Variants in ATF7IP2 observed in about 807,000 individuals in gnomAD.
ATF7IP2 encodes the protein activating transcription factor 7 interacting protein 2, also known as activating transcription factor 7-interacting protein 2.
Under a neutral mutation model 64.2 loss-of-function variants are expected in ATF7IP2, and 42 were observed. The observed-to-expected ratio is 0.65, with a 90% CI of 0.51 to 0.85. The LOEUF (loss-of-function observed/expected upper bound fraction) is 0.85. ATF7IP2 is among the 40% of genes least tolerant of loss of function. ATF7IP2 has a pLI of 0.00. For missense variants in ATF7IP2, 933 were observed against 784.2 expected, an observed-to-expected ratio of 1.19 and a Z score of -2.27; for synonymous variants, 308 against 272.8, an observed-to-expected ratio of 1.13 and a Z score of -1.27.
At chr16:10,389,859 A>G (rs1315114466) in intron 1 of ATF7IP2, among the ~76,000 whole-genome samples, 1 of 152,358 alleles carries the variant, frequency 6.6e-6, no homozygotes, top group African/African-American at 2.4e-5. Context: ...CTTCATGGTC[A>G]TTATGAGATT....
At chr16:10,398,149 C>G (rs2047455065) in intron 1 of ATF7IP2, among the ~76,000 whole-genome samples, 1 of 151,600 alleles carries the variant, frequency 6.6e-6, no homozygotes. Context: ...ACTAAAAATA[C>G]AAAAATTAGC....
At chr16:10,398,540 T>A (rs1458273102) in intron 1 of ATF7IP2, among the ~76,000 whole-genome samples, 2 of 152,172 alleles carry the variant, frequency 1.3e-5, no homozygotes, top group East Asian at 3.8e-4. Context: ...TTATTCACAG[T>A]AGATAACAGA....
intron 8 of ATF7IP2, chr16:10,448,699 C>T (rs2048890060): frequency 6.6e-6 from 1 of 152,068 alleles, no homozygotes; most frequent in Non-Finnish European, 1.5e-5. Context: ...TAGAAAATCT[C>T]AATCTATTTT....
At chr16:10,399,420 C>G (rs531997831) in intron 1 of ATF7IP2, among the ~76,000 whole-genome samples, 5 of 152,128 alleles carry the variant, frequency 3.3e-5, no homozygotes, top group African/African-American at 1.2e-4. Flanking sequence ...TCCAGTTTTC[C>G]CAGCACCATT....
At chr16:10,456,282 C>A (rs1190280538) in intron 8 of ATF7IP2, among the ~76,000 whole-genome samples, 1 of 152,140 alleles carries the variant, frequency 6.6e-6, no homozygotes, top group Non-Finnish European at 1.5e-5. Context: ...CTCAGCCTGA[C>A]CAGATTGCAG....
At chr16:10,437,057 A>G (rs919344011) in intron 6 of ATF7IP2, among the ~76,000 whole-genome samples, 44 of 151,246 alleles carry the variant, frequency 2.9e-4, no homozygotes, top group African/African-American at 9.0e-4. Context: ...GTCTCGCTCA[A>G]TCACCCAGGC....
intron 1 of ATF7IP2, among the ~76,000 whole-genome samples, chr16:10,405,988 C>G (rs1215019746): frequency 6.6e-6 from 1 of 152,022 alleles, no homozygotes; most frequent in Non-Finnish European, 1.5e-5. Flanking sequence ...ACTCAGGAGG[C>G]TGAAGCAGGA....
intron 1 of ATF7IP2, among the ~76,000 whole-genome samples, chr16:10,402,337 A>G (rs962717219): frequency 6.6e-6 from 1 of 152,102 alleles, no homozygotes; most frequent in African/African-American, 2.4e-5. Context: ...ACAATGACTC[A>G]GTGATAGTTC....
intron 9 of ATF7IP2, among the ~76,000 whole-genome samples, chr16:10,461,193 T>TTA (rs1470207276): frequency 6.6e-6 from 1 of 152,072 alleles, no homozygotes; most frequent in Non-Finnish European, 1.5e-5. Flanking sequence ...ATCTGACTAC[T>TTA]GGGTATTGGT....
chr16:10,426,505 G>A (rs1596479706), intron 3 of ATF7IP2, among the ~76,000 whole-genome samples: 1 of 152,310 alleles, frequency 6.6e-6, no homozygotes, highest in African/African-American at 2.4e-5. Context: ...AGTGTGTAAT[G>A]TTAATGACCA....
At chr16:10,444,168 G>A (rs879312232) in intron 8 of ATF7IP2, among the ~76,000 whole-genome samples, 2 of 152,156 alleles carry the variant, frequency 1.3e-5, no homozygotes, top group Non-Finnish European at 2.9e-5. Flanking sequence ...CGATGATCAG[G>A]TTACATTGAT....
chr16:10,404,610 C>T (rs2047598389), intron 1 of ATF7IP2, among the ~76,000 whole-genome samples: 1 of 152,136 alleles, frequency 6.6e-6, no homozygotes, highest in Admixed American at 6.5e-5. Flanking sequence ...GTGGCACGAT[C>T]ATGGCTTACT....
At chr16:10,474,397 T>C (rs774888217) in intron 12 of ATF7IP2, among the ~76,000 whole-genome samples, 3 of 152,224 alleles carry the variant, frequency 2.0e-5, no homozygotes, top group Non-Finnish European at 4.4e-5. Context: ...ATAATTTCTT[T>C]ATTCATAAAC....
At chr16:10,451,479 C>A (rs963175804) in intron 8 of ATF7IP2, among the ~76,000 whole-genome samples, 12 of 152,152 alleles carry the variant, frequency 7.9e-5, no homozygotes, top group African/African-American at 2.9e-4. Flanking sequence ...GGTCTTTTCA[C>A]ATAGTCCCAT....
intron 1 of ATF7IP2, among the ~76,000 whole-genome samples, chr16:10,413,814 A>C (rs1415982364): frequency 1.3e-5 from 2 of 152,222 alleles, no homozygotes; most frequent in Admixed American, 6.5e-5. Flanking sequence ...CTGGATACAA[A>C]ACTCTTAGCT....
At chr16:10,477,428 C>G (rs546547097) in intron 12 of ATF7IP2, among the ~76,000 whole-genome samples, 15 of 152,116 alleles carry the variant, frequency 9.9e-5, no homozygotes, top group South Asian at 4.2e-4. Flanking sequence ...ATTCAACAAC[C>G]CTTCATGCTA....
At chr16:10,388,803 G>T (rs2141724156) in intron 1 of ATF7IP2, among the ~76,000 whole-genome samples, 1 of 152,254 alleles carries the variant, frequency 6.6e-6, no homozygotes, top group East Asian at 1.9e-4. Context: ...GAGGTCAGGA[G>T]ATTGAGACCA....
At chr16:10,435,491 C>T (rs1255775272) in intron 6 of ATF7IP2, among the ~76,000 whole-genome samples, 3 of 152,172 alleles carry the variant, frequency 2.0e-5, no homozygotes, top group Non-Finnish European at 4.4e-5. Context: ...GGCACATTAC[C>T]ATTGGTAAAA....
At position 10,430,874 on chromosome 16, in the gene ATF7IP2, C is replaced by T. The variant is rs901675505; in HGVS notation, c.254C>T (p.Ser85Leu). 4.3e-6 allele frequency: 7 copies of T among 1,613,490 alleles called. No homozygotes were observed. The African/African-American group carries it at 6.7e-5, about 15-fold the overall frequency. Residue 85 changes from serine (S) to leucine (L), a missense_variant, in exon 5 of 14, where the codon TCA becomes TTA. Transcript: ENST00000562102. ...SSLDSNKNSI[S>L]EKSKVFSQNC... The stretch of plus-strand genomic sequence containing the variant: ...TTGGACTCTAATAAAAATTCAATAT[C>T]AGAGAAAAGTAAAGTATTCTCTCAG...
Sources: allele counts gnomAD v4.1 joint callset (sites outside exome capture counted in the v4.1 genomes callset), GRCh38; gene constraint gnomAD v4.1.1; transcripts MANE v1.5; gene names NCBI Gene and HGNC (gene_info 2026-07-23, HGNC 2026-07-21).